EMC10: variants seen among roughly 807,000 people sequenced by gnomAD.
EMC10 encodes the protein UPF0510 protein INM02.
Under a neutral mutation model 32.2 loss-of-function variants are expected in EMC10, and 40 were observed. The ratio of observed to expected loss-of-function variants is 1.24; its 90% CI spans 0.96 to 1.61. EMC10 has a LOEUF of 1.61. Among genes scored for constraint, EMC10 ranks in the 40% most tolerant of loss-of-function variants. The probability of loss-of-function intolerance (pLI) is 0.00; values close to 1 mark genes in which losing one functional copy is unlikely to be tolerated. For missense variants in EMC10, 402 were observed against 357.7 expected, an observed-to-expected ratio of 1.12 and a Z score of -1.00; for synonymous variants, 178 against 158.4, an observed-to-expected ratio of 1.12 and a Z score of -0.93.
Position 50,483,454 on chromosome 19 carries a change from A to G in EMC10, c.*1195A>G, listed in dbSNP as rs2040354753. 5.8e-6 allele frequency: 1 copy of G among 172,610 alleles called. No individual in the cohort carries two copies. Among genetic ancestry groups the G allele is most frequent in the Admixed American group, 6.3e-5 (1 of 15,864 alleles). 10.7% of individuals were successfully genotyped at this position (172,610 alleles called of 1,614,324 possible). On this transcript the variant is annotated 3_prime_UTR_variant, in exon 7 of 7. Coordinates refer to ENST00000334976, the MANE Select transcript of EMC10 (RefSeq NM_206538.4). The stretch of plus-strand genomic sequence containing the variant: ...AATGATCTCGGGATGCATGACTAAA[A>G]TGGAATTACGATGGCAGATCGGAAA...
chr19:50,481,884 C>T (rs2040324709), intron 6 of EMC10: 12 of 1,593,340 alleles, frequency 7.5e-6, no homozygotes, highest in Non-Finnish European at 1.0e-5. Flanking sequence ...TGGGGGGGGC[C>T]GTGTTGCTCA....
chr19:50,480,965 C>G lies in EMC10; in HGVS notation c.666C>G (p.Phe222Leu), dbSNP rs763475237. The change falls in exon 6 of 7, where the codon TTC (phenylalanine) becomes TTG (leucine). Residue 222 changes from phenylalanine (F) to leucine (L), a missense_variant. Transcript: ENST00000334976. The surrounding 1 kb of genome is among the most constrained non-coding windows in gnomAD (Gnocchi z 4.4). ...AGAACCCCCAGGAGCAGAAGTCCTT[C>G]TTCGCCAAATACGTGAGTGGGGCTC... The part of the protein sequence containing the change: ...KAKNPQEQKS[F>L]FAKYWMYIIP... 6.2e-7 allele frequency: 1 copy of G among 1,611,978 alleles called. No individual in the cohort carries two copies. The highest frequency in any genetic ancestry group is 8.5e-7 in the Non-Finnish European group (1 of 1,178,510).
chr19:50,480,501 C>A lies in EMC10; in HGVS notation c.403-80C>A. On this transcript the variant is annotated intron_variant, in intron 4 of 6. Coordinates refer to ENST00000334976, the MANE Select transcript of EMC10 (RefSeq NM_206538.4). This position sits in a 1 kb window ranked among gnomAD's most constrained non-coding sequence, Gnocchi z 4.4. ...GGTTTTGAAAAATGCTCCGGGGGTC[C>A]TGTGGTGGGGGCCGGGGGAGGTTAG... 6.8e-7 allele frequency: 1 copy of A among 1,481,366 alleles called. No homozygotes were observed. Among genetic ancestry groups the A allele is most frequent in the South Asian group, 1.3e-5 (1 of 78,700 alleles). 91.8% of individuals were successfully genotyped at this position (1,481,366 alleles called of 1,614,324 possible). A position where few individuals can be genotyped will look rare whatever the true frequency, so the allele number is the denominator to read the frequency against.
intron 1 of EMC10, among the ~76,000 whole-genome samples, chr19:50,477,549 C>T (rs1466710074): frequency 6.6e-6 from 1 of 152,102 alleles, no homozygotes; most frequent in Non-Finnish European, 1.5e-5. Flanking sequence ...TGAACTCAGG[C>T]TGCATCTTGG....
chr19:50,478,887 C>T (rs1001709169), intron 2 of EMC10, 70 bp from the exon 3 acceptor site: 2 of 1,262,976 alleles, frequency 1.6e-6, no homozygotes, highest in Non-Finnish European at 2.2e-6. Context: ...TGAAGCTGGA[C>T]CTCCTGGCCC....
Position 50,484,981 on chromosome 19 carries a change from A to G in EMC10, c.*2722A>G, listed in dbSNP as rs1385010056. 1 of 152,194 alleles carries G rather than the reference A, an allele frequency of 6.6e-6. No homozygotes were observed. The highest frequency in any genetic ancestry group is 1.5e-5 in the Non-Finnish European group (1 of 68,026). The allele number at this position is 152,194 out of a possible 1,614,324, so 9.4% of individuals were successfully genotyped here. On this transcript the variant is annotated 3_prime_UTR_variant, in exon 7 of 7. Coordinates refer to ENST00000334976, the MANE Select transcript of EMC10 (RefSeq NM_206538.4). ...TCTCCACAGAAACAAGCAGATGCACATGTCAACAGTTTTGCAAGTGTTGCT... is the reference window on the plus strand; with the variant it reads ...TCTCCACAGAAACAAGCAGATGCACGTGTCAACAGTTTTGCAAGTGTTGCT...
In EMC10 at chr19:50,484,135, C is replaced by T. The variant is rs1320079836; in HGVS notation, c.*1876C>T. On this transcript the variant is annotated 3_prime_UTR_variant, in exon 7 of 7. Transcript: ENST00000334976. The stretch of plus-strand genomic sequence containing the variant: ...CTCCGCTTCCTGAGTTTAAGCGATT[C>T]TCCTGCATCAGCCTCCCAAATAGCG... 2 of 142,538 alleles carry T rather than the reference C, an allele frequency of 1.4e-5. No individual in the cohort carries two copies. The highest frequency in any genetic ancestry group is 3.0e-5 in the Non-Finnish European group (2 of 66,826). 8.8% of individuals were successfully genotyped at this position (142,538 alleles called of 1,614,324 possible).
chr19:50,484,638 C>T lies in EMC10; in HGVS notation c.*2379C>T, dbSNP rs989520632. On this transcript the variant is annotated 3_prime_UTR_variant, in exon 7 of 7. Coordinates refer to ENST00000334976, the MANE Select transcript of EMC10 (RefSeq NM_206538.4). ...CCACTCACTATTTTATTTTATTGAC[C>T]GGGTTATCCAGGGATGAAGTATGAA... 7 of 152,014 alleles carry T rather than the reference C, an allele frequency of 4.6e-5. No homozygotes were observed. Among genetic ancestry groups the T allele is most frequent in the Admixed American group, 6.6e-5 (1 of 15,234 alleles). 9.4% of individuals were successfully genotyped at this position (152,014 alleles called of 1,614,324 possible). A position where few individuals can be genotyped will look rare whatever the true frequency, so the allele number is the denominator to read the frequency against.
intron 3 of EMC10, among the ~76,000 whole-genome samples, 182 bp downstream of exon 3, chr19:50,479,248 G>A (rs1371742055): frequency 1.3e-5 from 2 of 152,222 alleles, no homozygotes; most frequent in Admixed American, 6.5e-5. Flanking sequence ...ATTGCAGTTC[G>A]TCTTAGCGCC....
In EMC10 at chr19:50,476,612, G is replaced by A. The variant is rs772101758; in HGVS notation, c.68G>A (p.Ser23Asn). The A allele has an allele frequency of 2.6e-6, 4 of 1,562,314 alleles. No individual in the cohort carries two copies. The South Asian group carries it at 4.6e-5, about 18-fold the overall frequency. ...TTGCTGATGGCGGTAGCAGCGCCCA[G>A]TCGAGCCCGGGGCAGCGGCTGCCGG... ...LLLLMAVAAP[S>N]RARGSGCRAG... Residue 23 changes from serine to asparagine, a missense_variant, in exon 1 of 7, where the codon AGT becomes AAT. Transcript: ENST00000334976.
At chr19:50,482,081 C>T in intron 6 of EMC10, 68 bp from the exon 7 acceptor site, 2 of 1,393,696 alleles carry the variant, frequency 1.4e-6, no homozygotes, top group Admixed American at 1.7e-5. Flanking sequence ...GGGTGATGCC[C>T]ACACTCACCT....
Position 50,481,798 on chromosome 19 carries a change from C to T in EMC10, c.679-351C>T, listed in dbSNP as rs1387571193. The stretch of plus-strand genomic sequence containing the variant: ...TGCCCACTCGAGCGCCCTCCCACTC[C>T]CTGCTGGCCCTCAGGCCCCACGGCA... On this transcript the variant is annotated intron_variant, in intron 6 of 6. Coordinates refer to ENST00000334976, the MANE Select transcript of EMC10 (RefSeq NM_206538.4). 4.9e-6 allele frequency: 7 copies of T among 1,441,484 alleles called. No homozygotes were observed. The South Asian group carries it at 5.3e-5, about 11-fold the overall frequency. 89.3% of individuals were successfully genotyped at this position (1,441,484 alleles called of 1,614,324 possible). A position where few individuals can be genotyped will look rare whatever the true frequency, so the allele number is the denominator to read the frequency against.
rs149446609 is a variant in EMC10 at position 50,476,801 on chromosome 19, C to T, written c.114+143C>T. 2.0e-4 allele frequency: 113 copies of T among 576,456 alleles called. 1 individual carries two copies. The East Asian group carries it at 3.7e-3, about 19-fold the overall frequency. The allele number at this position is 576,456 out of a possible 1,614,324, so 35.7% of individuals were successfully genotyped here. On this transcript the variant is annotated intron_variant, in intron 1 of 6. Transcript: ENST00000334976. ...GATCCCTGGAAAGCCAGGCCTCAGT[C>T]ACGCACGCGCAGGAGGGGCCTCGCC...
At position 50,482,289 on chromosome 19, in the gene EMC10, C is replaced by T. The variant is rs1317620261; in HGVS notation, c.*30C>T. 6 of 931,486 alleles carry T rather than the reference C, an allele frequency of 6.4e-6. No individual in the cohort carries two copies. Among genetic ancestry groups the T allele is most frequent in the Non-Finnish European group, 1.0e-5 (6 of 598,714 alleles). The allele number at this position is 931,486 out of a possible 1,614,324, so 57.7% of individuals were successfully genotyped here. A position where few individuals can be genotyped will look rare whatever the true frequency, so the allele number is the denominator to read the frequency against. Reference sequence around the variant, plus strand: ...CCAGGCTGGTCAGCGTCCCGTCTTGCACACCCAGGGGCCTCCCTTTCTGCT... The same window carrying T: ...CCAGGCTGGTCAGCGTCCCGTCTTGTACACCCAGGGGCCTCCCTTTCTGCT... On this transcript the variant is annotated 3_prime_UTR_variant, in exon 7 of 7. Coordinates refer to ENST00000334976, the MANE Select transcript of EMC10 (RefSeq NM_206538.4).
Position 50,489,490 on chromosome 19 carries a change from G to C in EMC10, c.*7231G>C, listed in dbSNP as rs1353000963. ...GGGCAGGAAGCAGGAACGTGAAGCA[G>C]GTTAGGAGCCAGTGTGAGGCACGGA... On this transcript the variant is annotated 3_prime_UTR_variant, in exon 7 of 7. Coordinates refer to ENST00000334976, the MANE Select transcript of EMC10 (RefSeq NM_206538.4). 1 of 152,864 alleles carries C rather than the reference G, an allele frequency of 6.5e-6. No homozygotes were observed. The highest frequency in any genetic ancestry group is 1.5e-5 in the Non-Finnish European group (1 of 68,542). 9.5% of individuals were successfully genotyped at this position (152,864 alleles called of 1,614,324 possible).
intron 3 of EMC10, among the ~76,000 whole-genome samples, chr19:50,479,317 C>A (rs1388393282): frequency 6.6e-6 from 1 of 152,240 alleles, no homozygotes; most frequent in Non-Finnish European, 1.5e-5. Flanking sequence ...TGCTGGCAGA[C>A]CCCCTTCCCC....
chr19:50,480,864 C>T lies in EMC10; in HGVS notation c.585-20C>T. 3.1e-6 allele frequency: 5 copies of T among 1,588,908 alleles called. No individual in the cohort carries two copies. The highest frequency in any genetic ancestry group is 2.3e-5 in the East Asian group (1 of 44,436). ...CTGGACTCCGGGCCTCACCCTTCTC[C>T]TCCTCTCCCCTTGCCCCAGCCCTGA... On this transcript the variant is annotated intron_variant, in intron 5 of 6. Transcript: ENST00000334976. The surrounding 1 kb of genome is among the most constrained non-coding windows in gnomAD (Gnocchi z 4.4).
In EMC10 at chr19:50,479,015, C is replaced by G. The variant is rs746903927; in HGVS notation, c.246C>G (p.Thr82=). The change falls in exon 3 of 7, where the codon ACC becomes ACG. Residue 82 remains threonine, a synonymous_variant. Transcript: ENST00000334976. ...GSLLWNQQDG[T]LSLSQRQLSE... ...TGCTCTGGAACCAGCAGGATGGTACCTTGTCCCTGTCACAGCGGCAGCTCA... is the reference window on the plus strand; with the variant it reads ...TGCTCTGGAACCAGCAGGATGGTACGTTGTCCCTGTCACAGCGGCAGCTCA... 20 of 1,611,204 alleles carry G rather than the reference C, an allele frequency of 1.2e-5. No homozygotes were observed. Among genetic ancestry groups the G allele is most frequent in the Non-Finnish European group, 1.5e-5 (18 of 1,179,574 alleles).
In EMC10 at chr19:50,479,356, T is replaced by C. The variant is rs1194527466; in HGVS notation, c.297+290T>C. Among the ~76,000 whole-genome samples the C allele has an allele frequency of 2.6e-5, 4 of 152,232 alleles. No individual in the cohort carries two copies. The East Asian group carries it at 7.7e-4, about 29-fold the overall frequency. On this transcript the variant is annotated intron_variant, in intron 3 of 6. Coordinates refer to ENST00000334976, the MANE Select transcript of EMC10 (RefSeq NM_206538.4). ...AGGTTCACACAGTCGGCTCCTCTTCTTTTCCAGATCAGCTGAGCTGTTTCA... is the reference window on the plus strand; with the variant it reads ...AGGTTCACACAGTCGGCTCCTCTTCCTTTCCAGATCAGCTGAGCTGTTTCA...
Sources: allele counts gnomAD v4.1 joint callset (sites outside exome capture counted in the v4.1 genomes callset), GRCh38; gene constraint gnomAD v4.1.1; non-coding constraint Gnocchi (gnomAD v3.1); transcripts MANE v1.5; gene names NCBI Gene and HGNC (gene_info 2026-07-23, HGNC 2026-07-21).